AQR: variants seen among roughly 807,000 people sequenced by gnomAD.
The protein encoded by AQR is RNA helicase aquarius.
In AQR, 61 loss-of-function variants were observed where a neutral mutation model predicts 180.5. The ratio of observed to expected loss-of-function variants is 0.34; its 90% CI spans 0.28 to 0.42. The LOEUF (loss-of-function observed/expected upper bound fraction) is 0.42, where lower values mean the gene tolerates loss of function less well. AQR is among the 10% of genes least tolerant of loss of function. The pLI is 1.00. For missense variants in AQR, 1,281 were observed against 1,798.3 expected (o/e 0.71, Z 5.20); for synonymous variants, 551 against 588.8 (o/e 0.94, Z 0.93).
At position 34,943,444 on chromosome 15, in the gene AQR, AAAATAAATAAATAAAT is replaced by A. The variant is rs3062307; in HGVS notation, c.471+828_471+843del. On this transcript the variant is annotated intron_variant, in intron 6 of 34. Coordinates refer to ENST00000156471, the MANE Select transcript of AQR (RefSeq NM_014691.3). ...ACAATAAAATCTTGAGTTTATGTTC[AAAATAAATAAATAAAT>A]AAATAAATAAATAAATAAATAAAAA... The A allele has an allele frequency of 4.2e-4, 215 of 512,184 alleles. 12 individuals carry two copies. Among genetic ancestry groups the A allele is most frequent in the Middle Eastern group, 1.7e-3 (3 of 1,748 alleles). The allele number at this position is 512,184 out of a possible 1,614,324, so 31.7% of individuals were successfully genotyped here.
intron 27 of AQR, among the ~76,000 whole-genome samples, chr15:34,878,810 T>C (rs1310951166): frequency 6.6e-6 from 1 of 152,114 alleles, no homozygotes. Context: ...GCTGGATCAC[T>C]TGAGGTCAGG....
At chr15:34,938,015 T>C (rs980309260) in intron 9 of AQR, among the ~76,000 whole-genome samples, 29 of 151,806 alleles carry the variant, frequency 1.9e-4, no homozygotes, top group Non-Finnish European at 1.8e-4. Context: ...TATTTAGTCT[T>C]TTAGCTCATA....
intron 16 of AQR, among the ~76,000 whole-genome samples, chr15:34,910,740 T>C (rs1317911520): frequency 6.6e-6 from 1 of 152,264 alleles, no homozygotes; most frequent in Non-Finnish European, 1.5e-5. Context: ...TACAATGTGA[T>C]GTTTTAAACT....
At chr15:34,905,203 A>C (rs535280973) in intron 18 of AQR, among the ~76,000 whole-genome samples, 1 of 151,944 alleles carries the variant, frequency 6.6e-6, no homozygotes, top group Admixed American at 6.6e-5. Flanking sequence ...ATTTCCTCTC[A>C]TTCTAGAGAT....
At chr15:34,921,965 C>T (rs1893690314) in intron 13 of AQR, among the ~76,000 whole-genome samples, 1 of 152,118 alleles carries the variant, frequency 6.6e-6, no homozygotes, top group African/African-American at 2.4e-5. Flanking sequence ...TGCCCACCAC[C>T]ACACTCGGCT....
chr15:34,906,720 G>A lies in AQR; in HGVS notation c.1664-8C>T. The A allele has an allele frequency of 3.7e-6, 6 of 1,600,322 alleles. No homozygotes were observed. The highest frequency in any genetic ancestry group is 1.7e-4 in the Middle Eastern group (1 of 5,970). On this transcript the variant is annotated splice_region_variant and splice_polypyrimidine_tract_variant and intron_variant, in intron 17 of 34. Coordinates refer to ENST00000156471, the MANE Select transcript of AQR (RefSeq NM_014691.3). ...CATCATGCTTACGAAGACCTGGTAA[G>A]ATATAAAGACATTTTCATTTATTAG...
chr15:34,882,769 T>C (rs1892994604), intron 26 of AQR, 130 bp from the exon 27 acceptor site: 12 of 818,138 alleles, frequency 1.5e-5, no homozygotes, highest in Non-Finnish European at 2.1e-5. Context: ...TAATGAATTA[T>C]AATTCTGTTC....
At chr15:34,908,384 C>T (rs1893451225) in intron 17 of AQR, among the ~76,000 whole-genome samples, 1 of 151,756 alleles carries the variant, frequency 6.6e-6, no homozygotes, top group Non-Finnish European at 1.5e-5. Flanking sequence ...TGCAGTGAGC[C>T]GAGATTGTGC....
rs150406960 is a variant in AQR at position 34,864,560 on chromosome 15, G to A, written c.3855-1519C>T. Among the ~76,000 whole-genome samples the A allele has an allele frequency of 6.6e-3, 1,012 of 152,274 alleles. 12 individuals are homozygous for A. The highest frequency in any genetic ancestry group is 0.023 in the African/African-American group (962 of 41,556). On this transcript the variant is annotated intron_variant, in intron 32 of 34. Coordinates refer to ENST00000156471, the MANE Select transcript of AQR (RefSeq NM_014691.3). ...AGGTACACTGCTAGAAATACCTAGC[G>A]TAAGTCCTCACACAAATATTATAAA...
At position 34,939,938 on chromosome 15, in the gene AQR, C is replaced by G. The variant is rs567281758; in HGVS notation, c.641+961G>C. 3.3e-5 allele frequency among the ~76,000 whole-genome samples: 5 copies of G among 152,244 alleles called. No homozygotes were observed. The South Asian group carries it at 8.3e-4, about 25-fold the overall frequency. On this transcript the variant is annotated intron_variant, in intron 8 of 34. Transcript: ENST00000156471. ...GTCATACAGCAATTGAGTGTGGAAT[C>G]TAGCTAAGTCTGATTGTAGAACCTA...
chr15:34,932,695 C>T (rs1893884289), intron 10 of AQR, among the ~76,000 whole-genome samples: 1 of 152,176 alleles, frequency 6.6e-6, no homozygotes, highest in Non-Finnish European at 1.5e-5. Flanking sequence ...CGCGGTGGCT[C>T]ATGCCTATAA....
At chr15:34,882,666 T>C (rs757092354) in intron 26 of AQR, 27 bp from the exon 27 acceptor site, 4 of 1,587,110 alleles carry the variant, frequency 2.5e-6, no homozygotes, top group Admixed American at 1.8e-5. Context: ...CAATGAAAGA[T>C]AATTTTAGGA....
intron 14 of AQR, among the ~76,000 whole-genome samples, chr15:34,919,026 G>T (rs1355992878): frequency 6.6e-6 from 1 of 152,094 alleles, no homozygotes; most frequent in Non-Finnish European, 1.5e-5. Flanking sequence ...ATCACCTGAG[G>T]TGAGGAGTTC....
intron 10 of AQR, 140 bp from the exon 11 acceptor site, chr15:34,932,574 G>GC (rs1893882268): frequency 1.8e-6 from 1 of 562,982 alleles, no homozygotes; most frequent in African/African-American, 2.0e-5. Flanking sequence ...TGTATACAAT[G>GC]CAAGAGGTCC....
rs962791364 is a variant in AQR, at chr15:34,911,820, C to G, written c.1485-1507G>C. Among the ~76,000 whole-genome samples, 13 of 152,098 alleles carry G rather than the reference C, an allele frequency of 8.5e-5. 3 individuals carry two copies. Among genetic ancestry groups the G allele is most frequent in the Admixed American group, 2.6e-4 (4 of 15,278 alleles). Reference sequence around the variant, plus strand: ...TGTGGTCCCCATTTACTTATTTTTGCTTTTGTTCTCCATGCTTTTGGTATC... The same window carrying G: ...TGTGGTCCCCATTTACTTATTTTTGGTTTTGTTCTCCATGCTTTTGGTATC... On this transcript the variant is annotated intron_variant, in intron 16 of 34. Coordinates refer to ENST00000156471, the MANE Select transcript of AQR (RefSeq NM_014691.3).
intron 1 of AQR, among the ~76,000 whole-genome samples, chr15:34,967,008 C>T (rs1473071291): frequency 6.6e-6 from 1 of 151,310 alleles, no homozygotes; most frequent in Non-Finnish European, 1.5e-5. Flanking sequence ...TCCTGAGTAG[C>T]TGGGATTACA....
chr15:34,923,658 A>C (rs1216819364), intron 13 of AQR, among the ~76,000 whole-genome samples: 1 of 152,166 alleles, frequency 6.6e-6, no homozygotes, highest in Non-Finnish European at 1.5e-5. Flanking sequence ...TAGATATCTA[A>C]TTGTTTCAGC....
rs1347018049 is a variant in AQR, at chr15:34,918,372, G to A, written c.1228C>T (p.Arg410Cys). ...ATCTGAGAAATTCGACGTTCATGAC[G>A]AGATACCTAAAATAAAGGAAACAAG... ...KEFLLELLVSRHERRISQIQQ... is the reference protein window; with the variant it reads ...KEFLLELLVSCHERRISQIQQ... Residue 410 changes from arginine to cysteine, a missense_variant, in exon 15 of 35, where the codon CGT becomes TGT. By Grantham distance (180) the Arg-to-Cys change is radical (BLOSUM62 -3). Coordinates refer to ENST00000156471, the MANE Select transcript of AQR (RefSeq NM_014691.3). 4.3e-6 allele frequency: 7 copies of A among 1,613,068 alleles called. No individual in the cohort carries two copies. The highest frequency in any genetic ancestry group is 1.7e-5 in the Admixed American group (1 of 59,916).
intron 24 of AQR, among the ~76,000 whole-genome samples, chr15:34,887,041 C>T (rs985196850): frequency 2.6e-5 from 4 of 151,642 alleles, no homozygotes; most frequent in South Asian, 4.2e-4. Context: ...AAGAGAATGG[C>T]GTGAACCTGG....
Sources: gnomAD v4.1 joint callset for allele counts (sites outside exome capture counted in the v4.1 genomes callset) on GRCh38, gnomAD v4.1.1 for gene constraint, MANE v1.5 for transcripts, NCBI Gene and HGNC (gene_info 2026-07-23, HGNC 2026-07-21) for gene names.